The following DSCAM variants were observed in gnomAD, a reference collection of about 807,000 sequenced individuals.
DSCAM encodes DS cell adhesion molecule.
In DSCAM, 47 loss-of-function variants were observed where a neutral mutation model predicts 217.7. The observed-to-expected ratio is 0.22, with a 90% confidence interval of 0.17 to 0.28. The LOEUF is 0.28. DSCAM is among the 10% of genes least tolerant of loss of function. DSCAM has a pLI of 1.00. For missense variants in DSCAM, 2,080 were observed against 2,618.3 expected, an observed-to-expected ratio of 0.79 and a Z score of 4.49; for synonymous variants, 1,056 against 1,015.3, an observed-to-expected ratio of 1.04 and a Z score of -0.76.
chr21:40,540,358 G>A lies in DSCAM; in HGVS notation c.508+152452C>T, dbSNP rs186106881. On this transcript the variant is annotated intron_variant, in intron 3 of 32. Transcript: ENST00000400454. ...TAGAACCAATTCCTCTCTCCCCTCC[G>A]CTCCCACAGGACTCAGAGATTCTAT... 1.5e-4 allele frequency among the ~76,000 whole-genome samples: 23 copies of A among 152,064 alleles called. No homozygotes were observed. In the East Asian group the frequency reaches 2.7e-3, roughly 18 times the overall value.
chr21:40,782,070 C>T (rs2091552078), intron 1 of DSCAM, among the ~76,000 whole-genome samples: 1 of 151,346 alleles, frequency 6.6e-6, no homozygotes, highest in African/African-American at 2.4e-5. Flanking sequence ...ACTCGGGAGG[C>T]TGAGGCAGGA....
At chr21:40,113,966 T>C (rs1182248284) in intron 20 of DSCAM, among the ~76,000 whole-genome samples, 6 of 148,812 alleles carry the variant, frequency 4.0e-5, no homozygotes, top group East Asian at 2.0e-4. Flanking sequence ...AGAATCAATA[T>C]TGTGAAAATG....
intron 3 of DSCAM, among the ~76,000 whole-genome samples, chr21:40,457,797 T>G (rs1374691869): frequency 2.0e-5 from 3 of 152,168 alleles, no homozygotes; most frequent in African/African-American, 7.2e-5. Flanking sequence ...TGGTAAGTTT[T>G]AAAGTATTTA....
At chr21:40,228,974 C>A (rs147456720) in intron 11 of DSCAM, among the ~76,000 whole-genome samples, 1 of 152,300 alleles carries the variant, frequency 6.6e-6, no homozygotes, top group African/African-American at 2.4e-5. Context: ...TGAGTTCGTA[C>A]TGATGTCTCT....
chr21:40,802,581 G>A (rs1019855728), intron 1 of DSCAM, among the ~76,000 whole-genome samples: 34 of 152,176 alleles, frequency 2.2e-4, no homozygotes, highest in African/African-American at 8.2e-4. Flanking sequence ...GCCTTTAAAG[G>A]TGATTTGGTC....
chr21:40,556,664 A>AAG (rs1555856743), intron 3 of DSCAM, among the ~76,000 whole-genome samples: 2,089 of 151,512 alleles, frequency 0.014, 43 homozygotes, highest in Middle Eastern at 0.062. Flanking sequence ...AGAGAGAGAG[A>AAG]GGGGAGGTAC....
At chr21:40,768,309 C>T (rs577200407) in intron 1 of DSCAM, among the ~76,000 whole-genome samples, 4 of 151,876 alleles carry the variant, frequency 2.6e-5, no homozygotes, top group South Asian at 2.1e-4. Flanking sequence ...CATTACCTTA[C>T]GGTGACACCC....
At chr21:40,205,718 T>C (rs1040407097) in intron 11 of DSCAM, among the ~76,000 whole-genome samples, 1 of 152,006 alleles carries the variant, frequency 6.6e-6, no homozygotes, top group Non-Finnish European at 1.5e-5. Context: ...TAAAAATATC[T>C]CCTTGATCAT....
intron 3 of DSCAM, among the ~76,000 whole-genome samples, chr21:40,432,857 C>A (rs1046885974): frequency 6.6e-6 from 1 of 152,102 alleles, no homozygotes; most frequent in African/African-American, 2.4e-5. Flanking sequence ...CCAGGTTCCA[C>A]GGTAGCTGAG....
intron 10 of DSCAM, among the ~76,000 whole-genome samples, chr21:40,277,548 T>C (rs993423468): frequency 2.0e-5 from 3 of 152,026 alleles, no homozygotes; most frequent in African/African-American, 4.8e-5. Flanking sequence ...ACCTTTCACA[T>C]TGAATGAGGA....
chr21:40,703,602 T>C (rs996633676), intron 2 of DSCAM, among the ~76,000 whole-genome samples: 1 of 152,184 alleles, frequency 6.6e-6, no homozygotes, highest in Non-Finnish European at 1.5e-5. Context: ...TTCTTATCTT[T>C]GTTCCTTTGT....
chr21:40,732,837 G>C (rs2091026075), intron 1 of DSCAM, among the ~76,000 whole-genome samples: 1 of 152,160 alleles, frequency 6.6e-6, no homozygotes, highest in Non-Finnish European at 1.5e-5. Context: ...CCTGGGCTTG[G>C]AGCCAGCACC....
intron 1 of DSCAM, among the ~76,000 whole-genome samples, chr21:40,811,280 C>A (rs748491124): frequency 6.6e-6 from 1 of 152,166 alleles, no homozygotes; most frequent in Admixed American, 6.5e-5. Context: ...TATATATTAG[C>A]CAGAACCCCC....
chr21:40,758,694 C>T (rs1434071144), intron 1 of DSCAM, among the ~76,000 whole-genome samples: 4 of 151,830 alleles, frequency 2.6e-5, no homozygotes, highest in Non-Finnish European at 4.4e-5. Context: ...CTTGCTTAGG[C>T]GAGGATGAGG....
At chr21:40,164,695 G>A (rs1034391245) in intron 16 of DSCAM, among the ~76,000 whole-genome samples, 1 of 152,086 alleles carries the variant, frequency 6.6e-6, no homozygotes, top group African/African-American at 2.4e-5. Context: ...CCAGCTACTT[G>A]GGAGGCTGAG....
At chr21:40,707,461 G>T (rs949845907) in intron 2 of DSCAM, among the ~76,000 whole-genome samples, 1 of 152,136 alleles carries the variant, frequency 6.6e-6, no homozygotes, top group African/African-American at 2.4e-5. Context: ...CTAGCTAGCA[G>T]CATGAGTCAT....
At chr21:40,490,443 G>C (rs1206624505) in intron 3 of DSCAM, among the ~76,000 whole-genome samples, 1 of 152,134 alleles carries the variant, frequency 6.6e-6, no homozygotes, top group Non-Finnish European at 1.5e-5. Context: ...CATGGATGTT[G>C]AAATATTACT....
At chr21:40,279,788 T>C (rs1480148213) in intron 10 of DSCAM, among the ~76,000 whole-genome samples, 2 of 152,156 alleles carry the variant, frequency 1.3e-5, no homozygotes, top group African/African-American at 4.8e-5. Context: ...CGGAATACTA[T>C]GCAGCCATAA....
chr21:40,159,133 A>G (rs2146754752), intron 16 of DSCAM, among the ~76,000 whole-genome samples: 1 of 152,354 alleles, frequency 6.6e-6, no homozygotes, highest in East Asian at 1.9e-4. Context: ...CCGAGTTGCC[A>G]TAATAATAAC....
Sources: allele counts gnomAD v4.1 joint callset (sites outside exome capture counted in the v4.1 genomes callset), GRCh38; gene constraint gnomAD v4.1.1; transcripts MANE v1.5; gene names NCBI Gene and HGNC (gene_info 2026-07-23, HGNC 2026-07-21).